The following DLG2 variants were observed in gnomAD, a reference collection of about 807,000 sequenced individuals.
DLG2 encodes disks large homolog 2.
In DLG2, 45 loss-of-function variants were observed where a neutral mutation model predicts 132.5. The ratio of observed to expected loss-of-function variants is 0.34; its 90% CI spans 0.27 to 0.44. DLG2 has a LOEUF of 0.44. Ranked by LOEUF, DLG2 falls within the 20% of genes least tolerant of loss-of-function variation. DLG2 has a pLI of 1.00. For missense variants in DLG2, 1,045 were observed against 1,196.9 expected, an observed-to-expected ratio of 0.87 and a Z score of 1.87; for synonymous variants, 424 against 419.6, an observed-to-expected ratio of 1.01 and a Z score of -0.13.
chr11:85,082,943 T>C (rs2067441105), intron 6 of DLG2, among the ~76,000 whole-genome samples: 1 of 152,038 alleles, frequency 6.6e-6, no homozygotes, highest in Non-Finnish European at 1.5e-5. Flanking sequence ...AAGTTGGTTG[T>C]TTATCTTAAT....
chr11:84,224,065 G>C (rs2096955552), intron 8 of DLG2, among the ~76,000 whole-genome samples: 1 of 152,144 alleles, frequency 6.6e-6, no homozygotes, highest in Admixed American at 6.6e-5. Flanking sequence ...CCCCACCCAT[G>C]CAACTTCCTG....
chr11:85,200,616 G>T (rs2081391193), intron 4 of DLG2, among the ~76,000 whole-genome samples: 1 of 152,118 alleles, frequency 6.6e-6, no homozygotes, highest in Non-Finnish European at 1.5e-5. Context: ...AATAAGGCTG[G>T]GTTCTGCAGC....
At chr11:84,864,418 GTTAATGTTC>G (rs1331257964) in intron 6 of DLG2, among the ~76,000 whole-genome samples, 5 of 152,080 alleles carry the variant, frequency 3.3e-5, no homozygotes, top group African/African-American at 1.2e-4. Context: ...CATTCTTCCT[GTTAATGTTC>G]TTCTTTGGCC....
chr11:83,838,475 T>C (rs1442428094), intron 16 of DLG2, among the ~76,000 whole-genome samples: 1 of 152,202 alleles, frequency 6.6e-6, no homozygotes, highest in Non-Finnish European at 1.5e-5. Flanking sequence ...ATTAAGGACA[T>C]AGATTTTCTG....
At chr11:85,594,125 T>A (rs990131675) in intron 3 of DLG2, among the ~76,000 whole-genome samples, 1 of 152,198 alleles carries the variant, frequency 6.6e-6, no homozygotes, top group African/African-American at 2.4e-5. Flanking sequence ...TGATAAATGC[T>A]TTTTAGTAAT....
At position 84,524,982 on chromosome 11, in the gene DLG2, T is replaced by C. The variant is rs150325900; in HGVS notation, c.519+9588A>G. Among the ~76,000 whole-genome samples, 870 of 152,086 alleles carry C rather than the reference T, an allele frequency of 5.7e-3. 10 individuals carry two copies. The highest frequency in any genetic ancestry group is 5.1e-3 in the Non-Finnish European group (345 of 67,978). Reference sequence around the variant, plus strand: ...AGACATGACTCCCTTTTAGTAGAAGTTCATAACTTAGTTATGAAAATAGAA... The same window carrying C: ...AGACATGACTCCCTTTTAGTAGAAGCTCATAACTTAGTTATGAAAATAGAA... On this transcript the variant is annotated intron_variant, in intron 7 of 27. Coordinates refer to ENST00000376104, the MANE Select transcript of DLG2 (RefSeq NM_001142699.3).
chr11:84,438,853 G>A (rs1211338656), intron 7 of DLG2, among the ~76,000 whole-genome samples: 1 of 152,146 alleles, frequency 6.6e-6, no homozygotes, highest in African/African-American at 2.4e-5. Context: ...TGACAGAAGT[G>A]CCCTATGAGC....
At chr11:84,938,000 C>G (rs2048952864) in intron 6 of DLG2, among the ~76,000 whole-genome samples, 1 of 152,082 alleles carries the variant, frequency 6.6e-6, no homozygotes, top group Admixed American at 6.6e-5. Flanking sequence ...GACTAGAATC[C>G]AAGTCAGCTC....
In DLG2 at chr11:85,499,009, A is replaced by G. The variant is rs147508763; in HGVS notation, c.40+99648T>C. On this transcript the variant is annotated intron_variant, in intron 3 of 27. Coordinates refer to ENST00000376104, the MANE Select transcript of DLG2 (RefSeq NM_001142699.3). ...AGCTGAAGAGATCTAAAATCAACAC[A>G]TCAAAATTAAAACATCACAATTAAA... 4.1e-4 allele frequency among the ~76,000 whole-genome samples: 62 copies of G among 151,832 alleles called. 1 individual carries two copies. In the East Asian group the frequency reaches 0.011, roughly 26 times the overall value.
At chr11:84,177,318 G>C (rs1034428707) in intron 8 of DLG2, among the ~76,000 whole-genome samples, 2 of 151,836 alleles carry the variant, frequency 1.3e-5, no homozygotes, top group Admixed American at 1.3e-4. Context: ...GCCCTCCTAC[G>C]CACTCTAATA....
chr11:84,427,505 G>A (rs571676328), intron 7 of DLG2, among the ~76,000 whole-genome samples: 3 of 152,036 alleles, frequency 2.0e-5, no homozygotes, highest in Admixed American at 2.0e-4. Context: ...TCACAAAATG[G>A]GTAAAGGACA....
chr11:83,557,855 A>G (rs1465798949), intron 19 of DLG2, among the ~76,000 whole-genome samples: 3 of 152,180 alleles, frequency 2.0e-5, no homozygotes, highest in Non-Finnish European at 2.9e-5. Flanking sequence ...TGTGAAGTTA[A>G]TCAAGGCAGA....
intron 7 of DLG2, among the ~76,000 whole-genome samples, chr11:84,519,581 T>C (rs1289174317): frequency 1.3e-5 from 2 of 152,160 alleles, no homozygotes; most frequent in Admixed American, 1.3e-4. Context: ...AAATGTACCC[T>C]AAAATCCTTC....
At chr11:85,362,232 C>T (rs146144027) in intron 3 of DLG2, among the ~76,000 whole-genome samples, 21 of 152,154 alleles carry the variant, frequency 1.4e-4, no homozygotes, top group South Asian at 1.2e-3. Flanking sequence ...TGGAATTATA[C>T]GCATAAGCTA....
At chr11:84,877,859 C>T (rs1337797882) in intron 6 of DLG2, among the ~76,000 whole-genome samples, 1 of 151,726 alleles carries the variant, frequency 6.6e-6, no homozygotes, top group Non-Finnish European at 1.5e-5. Flanking sequence ...GGAACTTAAA[C>T]AAATTTACAA....
At chr11:84,292,233 G>A (rs1307155197) in intron 7 of DLG2, among the ~76,000 whole-genome samples, 1 of 152,156 alleles carries the variant, frequency 6.6e-6, no homozygotes, top group Non-Finnish European at 1.5e-5. Context: ...TCCAGGCTCA[G>A]AGTAACGACA....
intron 6 of DLG2, among the ~76,000 whole-genome samples, chr11:84,868,042 C>G (rs149208308): frequency 0.031 from 4,608 of 151,012 alleles, 107 homozygotes; most frequent in African/African-American, 0.067. Context: ...CCACTGCACT[C>G]CAGCCTGGGC....
At chr11:84,554,747 A>G (rs2099408634) in intron 6 of DLG2, among the ~76,000 whole-genome samples, 1 of 151,832 alleles carries the variant, frequency 6.6e-6, no homozygotes, top group Non-Finnish European at 1.5e-5. Flanking sequence ...ACTCTGTCTC[A>G]ATAATAATAA....
intron 3 of DLG2, among the ~76,000 whole-genome samples, chr11:85,493,396 C>T (rs2093605074): frequency 6.6e-6 from 1 of 152,178 alleles, no homozygotes. Flanking sequence ...CACTAAGTCT[C>T]TGCTTAAATG....
Sources: allele counts gnomAD v4.1 joint callset (sites outside exome capture counted in the v4.1 genomes callset), GRCh38; gene constraint gnomAD v4.1.1; transcripts MANE v1.5; gene names NCBI Gene and HGNC (gene_info 2026-07-23, HGNC 2026-07-21).